The following CADM2 variants were observed in gnomAD, a reference collection of about 807,000 sequenced individuals.
The protein encoded by CADM2 is immunoglobulin superfamily member 4D.
CADM2 carries 12 observed loss-of-function variants against 49.8 expected under a neutral mutation model. The observed-to-expected ratio is 0.24, with a 90% CI of 0.15 to 0.39. CADM2 has a LOEUF of 0.39. CADM2 is among the 10% of genes least tolerant of loss of function. CADM2 has a pLI of 1.00. For synonymous variants in CADM2, 214 were observed against 175.4 expected, an observed-to-expected ratio of 1.22 and a Z score of -1.74; for missense variants, 378 against 492.3, an observed-to-expected ratio of 0.77 and a Z score of 2.20.
chr3:85,719,253 A>G (rs1184533016), intron 1 of CADM2, among the ~76,000 whole-genome samples: 1 of 152,192 alleles, frequency 6.6e-6, no homozygotes, highest in African/African-American at 2.4e-5. Context: ...TGCAATTATC[A>G]ATGGGTAGCC....
intron 1 of CADM2, among the ~76,000 whole-genome samples, chr3:85,390,979 A>AT (rs1176675018): frequency 2.6e-5 from 4 of 152,072 alleles, no homozygotes; most frequent in Non-Finnish European, 5.9e-5. Flanking sequence ...AGCTAAATGC[A>AT]TATATTCCTA....
chr3:84,999,943 CTAGTCCAAACTCCCA>C (rs1263647030), intron 1 of CADM2, among the ~76,000 whole-genome samples: 2 of 152,088 alleles, frequency 1.3e-5, no homozygotes, highest in African/African-American at 4.8e-5. Context: ...TAGGGGCCAG[CTAGTCCAAACTCCCA>C]TAGCATGTAG....
At chr3:85,945,196 TC>T (rs1220329168) in intron 7 of CADM2, among the ~76,000 whole-genome samples, 3 of 152,112 alleles carry the variant, frequency 2.0e-5, no homozygotes, top group Non-Finnish European at 4.4e-5. Flanking sequence ...GATAAATTCC[TC>T]GACACATACA....
chr3:85,351,978 T>C (rs1215759401), intron 1 of CADM2, among the ~76,000 whole-genome samples: 2 of 152,064 alleles, frequency 1.3e-5, no homozygotes, highest in African/African-American at 4.8e-5. Flanking sequence ...GATATCCATA[T>C]ATATATAATA....
intron 1 of CADM2, among the ~76,000 whole-genome samples, chr3:85,041,915 C>T (rs2035459277): frequency 6.6e-6 from 1 of 152,104 alleles, no homozygotes; most frequent in Non-Finnish European, 1.5e-5. Context: ...ACAGTTGTCA[C>T]TTTGCTTATT....
chr3:85,774,033 C>A (rs2070232755), intron 2 of CADM2, among the ~76,000 whole-genome samples: 1 of 151,806 alleles, frequency 6.6e-6, no homozygotes, highest in South Asian at 2.1e-4. Flanking sequence ...TTTTCATTAA[C>A]CTTGGCACGT....
intron 1 of CADM2, among the ~76,000 whole-genome samples, chr3:85,624,701 A>G (rs2064074476): frequency 6.6e-6 from 1 of 152,138 alleles, no homozygotes; most frequent in South Asian, 2.1e-4. Flanking sequence ...GAATTTTTAG[A>G]AGGTGTAGTC....
chr3:85,018,891 A>G (rs2171142), intron 1 of CADM2, among the ~76,000 whole-genome samples: 1 of 152,098 alleles, frequency 6.6e-6, no homozygotes, highest in Non-Finnish European at 1.5e-5. Context: ...GACATGGCAA[A>G]CCCTCCTCCA....
intron 1 of CADM2, among the ~76,000 whole-genome samples, chr3:85,429,744 T>A (rs191241427): frequency 1.0e-3 from 154 of 152,262 alleles, no homozygotes; most frequent in African/African-American, 3.5e-3. Context: ...ACAATTATAA[T>A]CTAGGACAAA....
intron 1 of CADM2, among the ~76,000 whole-genome samples, chr3:85,331,191 G>T (rs1431803649): frequency 2.0e-5 from 3 of 151,216 alleles, no homozygotes; most frequent in South Asian, 2.1e-4. Context: ...TACCATAGTT[G>T]CCCTACTGTG....
chr3:86,056,156 A>G (rs1737961498), intron 8 of CADM2, among the ~76,000 whole-genome samples: 1 of 152,090 alleles, frequency 6.6e-6, no homozygotes, highest in Admixed American at 6.6e-5. Flanking sequence ...AAGTTCTCTC[A>G]CTTTATGAAT....
chr3:85,676,883 A>C (rs2065900614), intron 1 of CADM2, among the ~76,000 whole-genome samples: 1 of 152,074 alleles, frequency 6.6e-6, no homozygotes, highest in Admixed American at 6.6e-5. Context: ...TTTCAAACAT[A>C]GTTTCCGTGA....
At chr3:85,178,273 A>T (rs1439507499) in intron 1 of CADM2, among the ~76,000 whole-genome samples, 3 of 151,928 alleles carry the variant, frequency 2.0e-5, no homozygotes, top group Admixed American at 1.3e-4. Flanking sequence ...GATCTACAGA[A>T]TATATTTTTT....
intron 1 of CADM2, among the ~76,000 whole-genome samples, chr3:85,017,418 A>C (rs1576042073): frequency 6.6e-6 from 1 of 152,214 alleles, no homozygotes; most frequent in East Asian, 1.9e-4. Flanking sequence ...CATGAAGCTA[A>C]AACTGTGATC....
At chr3:85,930,083 T>C (rs1019322936) in intron 6 of CADM2, among the ~76,000 whole-genome samples, 2 of 152,088 alleles carry the variant, frequency 1.3e-5, no homozygotes, top group Admixed American at 1.3e-4. Flanking sequence ...ATTTATATCA[T>C]GGAAATATAA....
intron 1 of CADM2, among the ~76,000 whole-genome samples, chr3:85,230,969 A>G (rs1241503566): frequency 6.6e-6 from 1 of 151,774 alleles, no homozygotes; most frequent in East Asian, 1.9e-4. Flanking sequence ...GAAGTTGAAA[A>G]TCGAAGTGTT....
rs185772235 is a variant in CADM2 at position 85,108,975 on chromosome 3, A to G, written c.61+149307A>G. On this transcript the variant is annotated intron_variant, in intron 1 of 9. Transcript: ENST00000383699. ...TAAATAAGAAGTATGGGAACTATAT[A>G]GCTTATCACACCAGATGCAGCATAT... 3.7e-4 allele frequency among the ~76,000 whole-genome samples: 56 copies of G among 152,208 alleles called. No individual in the cohort carries two copies. In the Middle Eastern group the frequency reaches 0.01, roughly 28 times the overall value.
intron 1 of CADM2, among the ~76,000 whole-genome samples, chr3:85,704,374 A>G (rs1416914888): frequency 6.6e-6 from 1 of 152,172 alleles, no homozygotes; most frequent in Admixed American, 6.6e-5. Context: ...GAGTACAAAA[A>G]ACTGGGTGTC....
intron 1 of CADM2, among the ~76,000 whole-genome samples, chr3:85,565,977 T>C (rs2062242864): frequency 6.6e-6 from 1 of 151,952 alleles, no homozygotes; most frequent in Admixed American, 6.6e-5. Context: ...CAAAAGGAAA[T>C]AGTGGCACGC....
Sources: gnomAD v4.1 joint callset for allele counts (sites outside exome capture counted in the v4.1 genomes callset) on GRCh38, gnomAD v4.1.1 for gene constraint, MANE v1.5 for transcripts, NCBI Gene and HGNC (gene_info 2026-07-23, HGNC 2026-07-21) for gene names.